Variants in PRKCE observed in about 807,000 individuals in gnomAD.
PRKCE encodes the protein protein kinase C epsilon type.
A neutral mutation model predicts 85.4 loss-of-function variants in PRKCE; 16 were observed. The ratio of observed to expected loss-of-function variants is 0.19; its 90% confidence interval spans 0.13 to 0.28. The LOEUF (loss-of-function observed/expected upper bound fraction) is 0.28. Ranked by LOEUF, PRKCE falls within the 10% of genes least tolerant of loss-of-function variation. The pLI is 1.00. For missense variants in PRKCE, 573 were observed against 975.2 expected, an observed-to-expected ratio of 0.59 and a Z score of 5.49; for synonymous variants, 388 against 371.5, an observed-to-expected ratio of 1.04 and a Z score of -0.51.
At position 45,891,878 on chromosome 2, in the gene PRKCE, A is replaced by T. The variant is rs1044046526; in HGVS notation, c.412+48815A>T. On this transcript the variant is annotated intron_variant, in intron 2 of 14. Coordinates refer to ENST00000306156, the MANE Select transcript of PRKCE (RefSeq NM_005400.3). ...TGCTCCTCACTGTCAGGTGCCTCAGAATCTCTTGTACAGACTTGCTGCTTT... is the reference window on the plus strand; with the variant it reads ...TGCTCCTCACTGTCAGGTGCCTCAGTATCTCTTGTACAGACTTGCTGCTTT... Among the ~76,000 whole-genome samples, 26 of 152,246 alleles carry T rather than the reference A, an allele frequency of 1.7e-4. 1 individual carries two copies. In the South Asian group the frequency reaches 2.7e-3, roughly 16 times the overall value.
intron 1 of PRKCE, among the ~76,000 whole-genome samples, chr2:45,816,061 C>A (rs1558704240): frequency 6.6e-6 from 1 of 152,196 alleles, no homozygotes; most frequent in African/African-American, 2.4e-5. Flanking sequence ...TTTCTCTTGG[C>A]CTGTAAAGAG....
Position 46,159,510 on chromosome 2 carries a change from C to T in PRKCE, c.1921-96C>T, listed in dbSNP as rs1364085808. ...CAAAGAACAGACTTGGGAGGCGATG[C>T]TGAAGATGCTGCTTTGGCTGACCTC... On this transcript the variant is annotated intron_variant, in intron 13 of 14. Coordinates refer to ENST00000306156, the MANE Select transcript of PRKCE (RefSeq NM_005400.3). The surrounding 1 kb of genome is among the most constrained non-coding windows in gnomAD (Gnocchi z 4.1). 1.6e-5 allele frequency: 21 copies of T among 1,331,720 alleles called. No individual in the cohort carries two copies. In the South Asian group the frequency reaches 3.3e-4, roughly 21 times the overall value. 82.5% of individuals were successfully genotyped at this position (1,331,720 alleles called of 1,614,324 possible).
intron 2 of PRKCE, among the ~76,000 whole-genome samples, chr2:45,969,268 C>T (rs765238773): frequency 2.0e-5 from 3 of 152,000 alleles, no homozygotes; most frequent in Non-Finnish European, 1.5e-5. Context: ...AAAAGTTATC[C>T]AGCTTTGTCT....
At chr2:45,761,672 C>A (rs1037155466) in intron 1 of PRKCE, among the ~76,000 whole-genome samples, 1 of 152,092 alleles carries the variant, frequency 6.6e-6, no homozygotes, top group African/African-American at 2.4e-5. Flanking sequence ...CCTCTCGCAC[C>A]CTCCTCTCTG....
intron 1 of PRKCE, among the ~76,000 whole-genome samples, chr2:45,656,198 A>T (rs1282751524): frequency 6.6e-6 from 1 of 152,192 alleles, no homozygotes; most frequent in African/African-American, 2.4e-5. Flanking sequence ...CTTAAGCCCC[A>T]CTATTCATGA....
intron 1 of PRKCE, among the ~76,000 whole-genome samples, chr2:45,719,046 C>T (rs1680387630): frequency 6.6e-6 from 1 of 152,224 alleles, no homozygotes; most frequent in Admixed American, 6.5e-5. Context: ...TGGAGTAATT[C>T]TTGAGACTTT....
intron 1 of PRKCE, among the ~76,000 whole-genome samples, chr2:45,756,700 G>A (rs2104789795): frequency 6.6e-6 from 1 of 152,236 alleles, no homozygotes; most frequent in African/African-American, 2.4e-5. Flanking sequence ...TATGCTGAGT[G>A]AAAAAAACAG....
intron 12 of PRKCE, among the ~76,000 whole-genome samples, chr2:46,149,784 C>T (rs981563402): frequency 2.7e-5 from 4 of 148,492 alleles, no homozygotes; most frequent in African/African-American, 7.5e-5. Context: ...TTTATATGTG[C>T]GTGTGTGTGT....
At chr2:46,035,171 TCCATCGTCCAGGTGTCC>T (rs1326659961) in intron 10 of PRKCE, among the ~76,000 whole-genome samples, 5 of 152,206 alleles carry the variant, frequency 3.3e-5, no homozygotes, top group African/African-American at 1.2e-4. Flanking sequence ...ATTCCCAGCT[TCCATCGTCCAGGTGTCC>T]CCATACACCA....
At chr2:46,077,165 G>A (rs924910340) in intron 10 of PRKCE, among the ~76,000 whole-genome samples, 4 of 91,630 alleles carry the variant, frequency 4.4e-5, no homozygotes, top group African/African-American at 6.3e-5. Context: ...TCTCTTTCTC[G>A]TGCACACACA....
intron 2 of PRKCE, among the ~76,000 whole-genome samples, chr2:45,960,515 G>T (rs983972805): frequency 6.6e-5 from 10 of 152,168 alleles, no homozygotes; most frequent in Non-Finnish European, 1.0e-4. Context: ...CCCCAACCTA[G>T]ATCCCTCACG....
chr2:45,884,879 G>T (rs754560025), intron 2 of PRKCE, among the ~76,000 whole-genome samples: 12 of 148,774 alleles, frequency 8.1e-5, no homozygotes, highest in Non-Finnish European at 1.3e-4. Context: ...GAAATTGTCT[G>T]CACCTGTGCA....
intron 5 of PRKCE, among the ~76,000 whole-genome samples, chr2:45,983,279 A>G (rs1186359394): frequency 6.6e-6 from 1 of 152,120 alleles, no homozygotes; most frequent in East Asian, 1.9e-4. Context: ...TTCACCCCTC[A>G]TTAGTCCCCC....
chr2:45,783,141 G>A (rs563319952), intron 1 of PRKCE, among the ~76,000 whole-genome samples: 1 of 152,302 alleles, frequency 6.6e-6, no homozygotes, highest in African/African-American at 2.4e-5. Context: ...TCCTGGGGAA[G>A]GCTTGGGCTG....
At chr2:45,912,134 GAGA>G (rs1697425835) in intron 2 of PRKCE, among the ~76,000 whole-genome samples, 1 of 152,122 alleles carries the variant, frequency 6.6e-6, no homozygotes, top group Non-Finnish European at 1.5e-5. Flanking sequence ...GAACTGGGGA[GAGA>G]AGAACAATAC....
At chr2:45,933,141 A>G (rs1699163679) in intron 2 of PRKCE, among the ~76,000 whole-genome samples, 1 of 152,148 alleles carries the variant, frequency 6.6e-6, no homozygotes, top group Non-Finnish European at 1.5e-5. Flanking sequence ...GTGCCTACAC[A>G]AGTCTTTTGC....
At chr2:45,721,967 C>T (rs1680661162) in intron 1 of PRKCE, among the ~76,000 whole-genome samples, 1 of 150,816 alleles carries the variant, frequency 6.6e-6, no homozygotes, top group Non-Finnish European at 1.5e-5. Flanking sequence ...GTCTCAAGAT[C>T]AAAATTTAAG....
At chr2:46,090,204 A>G (rs1192800245) in intron 11 of PRKCE, among the ~76,000 whole-genome samples, 3 of 152,162 alleles carry the variant, frequency 2.0e-5, no homozygotes, top group Admixed American at 6.5e-5. Flanking sequence ...TATTGATTCA[A>G]TAGACCTGAT....
intron 11 of PRKCE, among the ~76,000 whole-genome samples, chr2:46,107,375 G>C (rs1325283017): frequency 6.6e-6 from 1 of 152,160 alleles, no homozygotes; most frequent in African/African-American, 2.4e-5. Flanking sequence ...GGGCACGGTG[G>C]CTCATGCCTG....
Sources: gnomAD v4.1 joint callset for allele counts (sites outside exome capture counted in the v4.1 genomes callset) on GRCh38, gnomAD v4.1.1 for gene constraint, Gnocchi (gnomAD v3.1) non-coding constraint, MANE v1.5 for transcripts, NCBI Gene and HGNC (gene_info 2026-07-23, HGNC 2026-07-21) for gene names.